GPCPD1: variants seen among roughly 807,000 people sequenced by gnomAD.
The protein encoded by GPCPD1 is glycerophosphocholine phosphodiesterase 1.
Under a neutral mutation model 89.2 loss-of-function variants are expected in GPCPD1, and 29 were observed. The observed-to-expected ratio is 0.33, with a 90% CI of 0.24 to 0.44. GPCPD1 has a LOEUF of 0.44. Ranked by LOEUF, GPCPD1 falls within the 20% of genes least tolerant of loss-of-function variation. The pLI is 1.00. For synonymous variants in GPCPD1, 258 were observed against 266.3 expected, an observed-to-expected ratio of 0.97 and a Z score of 0.30; for missense variants, 594 against 808.9, an observed-to-expected ratio of 0.73 and a Z score of 3.22.
chr20:5,610,628 A>AT (rs1314521006), intron 1 of GPCPD1, among the ~76,000 whole-genome samples: 2 of 152,000 alleles, frequency 1.3e-5, no homozygotes, highest in African/African-American at 4.8e-5. Flanking sequence ...GCAGTGAACA[A>AT]TAAAAGTCGA....
At chr20:5,604,928 G>A (rs1980473577) in intron 1 of GPCPD1, among the ~76,000 whole-genome samples, 2 of 151,674 alleles carry the variant, frequency 1.3e-5, no homozygotes, top group Non-Finnish European at 2.9e-5. Context: ...ACTCTAGCCT[G>A]AGCCACAGAG....
intron 1 of GPCPD1, among the ~76,000 whole-genome samples, chr20:5,609,563 C>T (rs1980818180): frequency 6.6e-6 from 1 of 152,158 alleles, no homozygotes; most frequent in Non-Finnish European, 1.5e-5. Flanking sequence ...ATGTTTCATA[C>T]CTTTTTTCCT....
rs890492547 is a variant in GPCPD1 at position 5,577,762 on chromosome 20, C to T, written c.705+618G>A. Among the ~76,000 whole-genome samples, 4 of 152,150 alleles carry T rather than the reference C, an allele frequency of 2.6e-5. No homozygotes were observed. The East Asian group carries it at 5.8e-4, about 22-fold the overall frequency. On this transcript the variant is annotated intron_variant, in intron 8 of 19. Coordinates refer to ENST00000379019, the MANE Select transcript of GPCPD1 (RefSeq NM_019593.5). ...GTAAGGAAACCACTACATACCACTA[C>T]CGAGCCAGGCCCACAGCAGTAAGGA...
intron 15 of GPCPD1, among the ~76,000 whole-genome samples, chr20:5,563,520 TA>T (rs1196235637): frequency 6.6e-6 from 1 of 152,100 alleles, no homozygotes; most frequent in African/African-American, 2.4e-5. Flanking sequence ...CTTATTTATT[TA>T]TTTTTGAGAC....
intron 4 of GPCPD1, 87 bp from the exon 5 acceptor site, chr20:5,586,356 T>C: frequency 1.4e-6 from 1 of 713,398 alleles, no homozygotes; most frequent in South Asian, 1.6e-5. Context: ...GGCCTAAATC[T>C]TATACTAAAT....
intron 3 of GPCPD1, among the ~76,000 whole-genome samples, chr20:5,593,922 G>A (rs1252115899): frequency 1.3e-5 from 2 of 152,166 alleles, no homozygotes; most frequent in Admixed American, 6.5e-5. Flanking sequence ...ATAAACATGA[G>A]TTACACTCCT....
At chr20:5,586,005 GTTTAT>G (rs1349344125) in intron 5 of GPCPD1, 184 bp downstream of exon 5, 3 of 431,398 alleles carry the variant, frequency 7.0e-6, no homozygotes, top group South Asian at 1.2e-4. Context: ...TTCTAATAAA[GTTTAT>G]TTTAAGAGGC....
intron 11 of GPCPD1, among the ~76,000 whole-genome samples, chr20:5,571,506 A>T (rs1399863213): frequency 6.6e-6 from 1 of 152,228 alleles, no homozygotes; most frequent in Non-Finnish European, 1.5e-5. Flanking sequence ...ATAAGCCAAT[A>T]ATAATTAAAA....
chr20:5,592,422 A>C (rs1196504616), intron 4 of GPCPD1, among the ~76,000 whole-genome samples: 1 of 152,226 alleles, frequency 6.6e-6, no homozygotes, highest in East Asian at 1.9e-4. Context: ...TTCTTGGAAC[A>C]AGAAACGTAA....
rs116556235 is a variant in GPCPD1, at chr20:5,557,665, T to C, written c.1829+280A>G. Among the ~76,000 whole-genome samples, 756 of 152,192 alleles carry C rather than the reference T, an allele frequency of 5.0e-3. 6 individuals carry two copies. The highest frequency in any genetic ancestry group is 0.017 in the African/African-American group (715 of 41,506). Reference sequence around the variant, plus strand: ...TGGACAAGAGGAATGAAAAAGTTGGTATAGACAGAGAAGAGGTCTAAGGGC... The same window carrying C: ...TGGACAAGAGGAATGAAAAAGTTGGCATAGACAGAGAAGAGGTCTAAGGGC... On this transcript the variant is annotated intron_variant, in intron 19 of 19. Coordinates refer to ENST00000379019, the MANE Select transcript of GPCPD1 (RefSeq NM_019593.5).
intron 16 of GPCPD1, among the ~76,000 whole-genome samples, chr20:5,560,568 C>T (rs1462939508): frequency 2.6e-5 from 4 of 152,122 alleles, no homozygotes; most frequent in Non-Finnish European, 4.4e-5. Context: ...GACACCAAGC[C>T]AGCTCTATTG....
At chr20:5,606,219 A>C (rs1039459977) in intron 1 of GPCPD1, among the ~76,000 whole-genome samples, 1 of 152,170 alleles carries the variant, frequency 6.6e-6, no homozygotes, top group African/African-American at 2.4e-5. Flanking sequence ...TACATAATTT[A>C]AATGGAGAAA....
rs146791604 is a variant in GPCPD1, at chr20:5,568,826, T to C, written c.1150-1266A>G. Among the ~76,000 whole-genome samples, 608 of 152,210 alleles carry C rather than the reference T, an allele frequency of 4.0e-3. 4 individuals are homozygous for C. The highest frequency in any genetic ancestry group is 5.9e-3 in the Non-Finnish European group (404 of 68,002). On this transcript the variant is annotated intron_variant, in intron 12 of 19. Transcript: ENST00000379019. ...TACTTAGGAGGCTGAGGCAGGAGAA[T>C]CGCTTGAACCCAGGAGGTGGAGGTT... is the stretch of plus-strand genomic sequence containing the variant.
intron 15 of GPCPD1, among the ~76,000 whole-genome samples, chr20:5,563,642 G>A (rs1174804679): frequency 1.3e-5 from 2 of 152,072 alleles, no homozygotes; most frequent in Non-Finnish European, 2.9e-5. Flanking sequence ...CCAAAGTGCT[G>A]GGATTACAGG....
intron 3 of GPCPD1, among the ~76,000 whole-genome samples, chr20:5,595,516 C>A (rs1213134263): frequency 6.6e-6 from 1 of 152,072 alleles, no homozygotes; most frequent in African/African-American, 2.4e-5. Flanking sequence ...TGGCACAAGC[C>A]TGTAATCCCA....
At chr20:5,603,677 C>A (rs919029379) in intron 2 of GPCPD1, among the ~76,000 whole-genome samples, 2 of 151,726 alleles carry the variant, frequency 1.3e-5, no homozygotes, top group Admixed American at 6.6e-5. Context: ...GCAAAAAATA[C>A]AATGAGGCTA....
At chr20:5,553,804 G>GGAACCCAACA (rs1446475099) in intron 19 of GPCPD1, among the ~76,000 whole-genome samples, 2 of 152,134 alleles carry the variant, frequency 1.3e-5, no homozygotes, top group Non-Finnish European at 2.9e-5. Context: ...AAGAAAAGTT[G>GGAACCCAACA]GAACCCAACA....
At position 5,544,785 on chromosome 20, in the gene GPCPD1, T is replaced by C. The variant is rs1200455154; in HGVS notation, c.*2876A>G. 4 of 152,244 alleles carry C rather than the reference T, an allele frequency of 2.6e-5. No individual in the cohort carries two copies. Among genetic ancestry groups the C allele is most frequent in the African/African-American group, 9.7e-5 (4 of 41,414 alleles). 9.4% of individuals were successfully genotyped at this position (152,244 alleles called of 1,614,324 possible). On this transcript the variant is annotated 3_prime_UTR_variant, in exon 20 of 20. Transcript: ENST00000379019. ...TCATCATTCAGATCAAAAGCTGAGA[T>C]GAGCTTTAGGGAGGAGGCTGCACCT...
At chr20:5,576,985 G>A (rs969006378) in intron 8 of GPCPD1, among the ~76,000 whole-genome samples, 2 of 151,620 alleles carry the variant, frequency 1.3e-5, no homozygotes, top group African/African-American at 2.4e-5. Context: ...CAGGAGGATC[G>A]CTTGAGCCCA....
Sources: allele counts gnomAD v4.1 joint callset (sites outside exome capture counted in the v4.1 genomes callset), GRCh38; gene constraint gnomAD v4.1.1; transcripts MANE v1.5; gene names NCBI Gene and HGNC (gene_info 2026-07-23, HGNC 2026-07-21).